STRADA: variants seen among roughly 807,000 people sequenced by gnomAD.
The protein encoded by STRADA is STE20-related kinase adapter protein alpha.
STRADA carries 26 observed loss-of-function variants against 55.0 expected under a neutral mutation model. The observed-to-expected ratio is 0.47, with a 90% CI of 0.35 to 0.66. STRADA has a LOEUF of 0.66. STRADA is among the 30% of genes least tolerant of loss of function. The pLI, the probability that STRADA is intolerant of heterozygous loss-of-function variation, is 0.01. For synonymous variants in STRADA, 197 were observed against 210.9 expected, an observed-to-expected ratio of 0.93 and a Z score of 0.57; for missense variants, 443 against 549.7, an observed-to-expected ratio of 0.81 and a Z score of 1.94.
At chr17:63,716,282 A>C (rs1187491128) in intron 4 of STRADA, among the ~76,000 whole-genome samples, 1 of 151,754 alleles carries the variant, frequency 6.6e-6, no homozygotes, top group Non-Finnish European at 1.5e-5. Context: ...TTTTTTGTAG[A>C]GATGGGGTTT....
chr17:63,707,181 A>G (rs1436169784), intron 9 of STRADA, 66 bp downstream of exon 9: 4 of 1,589,626 alleles, frequency 2.5e-6, no homozygotes, highest in Non-Finnish European at 3.4e-6. Flanking sequence ...ACTCCAGGCA[A>G]TGCCTGAAGG....
At chr17:63,736,841 C>G (rs866657663) in intron 1 of STRADA, among the ~76,000 whole-genome samples, 3 of 135,670 alleles carry the variant, frequency 2.2e-5, no homozygotes, top group South Asian at 2.7e-4. Context: ...CCCCCACGCC[C>G]CCCCCACCAA....
In STRADA at chr17:63,740,107, T is replaced by TACAC. The variant is rs1555712215; in HGVS notation, c.-45+1633_-45+1634insGTGT. 6.6e-4 allele frequency among the ~76,000 whole-genome samples: 33 copies of TACAC among 49,650 alleles called. 5 individuals are homozygous for TACAC. The highest frequency in any genetic ancestry group is 8.5e-4 in the Non-Finnish European group (23 of 27,028). 32.6% of individuals were successfully genotyped at this position (49,650 alleles called of 152,430 possible). On this transcript the variant is annotated intron_variant, in intron 1 of 12. Transcript: ENST00000336174. ...AACACTATATATATATATATATATA[T>TACAC]ACATACATACATATATATATACACA...
chr17:63,703,950 G>GT, intron 12 of STRADA, 55 bp downstream of exon 12: 1 of 1,608,908 alleles, frequency 6.2e-7, no homozygotes, highest in Non-Finnish European at 8.5e-7. Context: ...TAAAGGGATT[G>GT]TGAGTTGTTA....
intron 1 of STRADA, among the ~76,000 whole-genome samples, chr17:63,740,105 TATACATACATAC>T (rs1190877120): frequency 1.8e-5 from 1 of 56,666 alleles, no homozygotes; most frequent in Non-Finnish European, 3.2e-5. Context: ...TATATATATA[TATACATACATAC>T]ATATATATAT....
Position 63,706,753 on chromosome 17 carries a change from A to T in STRADA, c.754-14T>A, listed in dbSNP as rs747988267. On this transcript the variant is annotated splice_polypyrimidine_tract_variant and intron_variant, in intron 9 of 12. Transcript: ENST00000336174. ...ACCCTGGAGATTCTAAGCCAGAAAAAAAAGGCCACAGATTACCCCATTTGG... is the reference window on the plus strand; with the variant it reads ...ACCCTGGAGATTCTAAGCCAGAAAATAAAGGCCACAGATTACCCCATTTGG... 3.2e-5 allele frequency: 52 copies of T among 1,603,236 alleles called. No homozygotes were observed. The highest frequency in any genetic ancestry group is 4.4e-5 in the Non-Finnish European group (52 of 1,171,152).
At chr17:63,706,014 C>G (rs573195679) in intron 10 of STRADA, 2 of 152,364 alleles carry the variant, frequency 1.3e-5, no homozygotes, top group African/African-American at 4.8e-5. Flanking sequence ...AGTTCCAGAC[C>G]ACACTCCAAG....
chr17:63,713,905 T>C (rs1426800634), intron 5 of STRADA, 101 bp downstream of exon 5: 1 of 923,146 alleles, frequency 1.1e-6, no homozygotes, highest in Admixed American at 2.1e-5. Flanking sequence ...TCCTCCTAAC[T>C]AGTGGATGGC....
At chr17:63,730,242 C>T (rs996560750) in intron 1 of STRADA, among the ~76,000 whole-genome samples, 15 of 152,080 alleles carry the variant, frequency 9.9e-5, no homozygotes, top group African/African-American at 3.6e-4. Flanking sequence ...TTTACAAACA[C>T]GCCAACATCT....
chr17:63,719,562 C>T (rs1480751995), intron 4 of STRADA, among the ~76,000 whole-genome samples: 2 of 151,878 alleles, frequency 1.3e-5, no homozygotes, highest in African/African-American at 4.8e-5. Flanking sequence ...CGGCTCACTG[C>T]AACCTCCACC....
chr17:63,710,974 G>A (rs977306379), intron 6 of STRADA, 138 bp from the exon 7 acceptor site: 8 of 727,362 alleles, frequency 1.1e-5, no homozygotes, highest in Admixed American at 2.8e-5. Flanking sequence ...GCCTAAGCAG[G>A]TGCCTGCCAA....
intron 1 of STRADA, among the ~76,000 whole-genome samples, chr17:63,737,919 G>A (rs567747480): frequency 2.6e-5 from 4 of 152,236 alleles, no homozygotes; most frequent in African/African-American, 7.2e-5. Context: ...CTCCAGAGGT[G>A]GAGGCTGCAG....
At chr17:63,739,957 C>T (rs1231954480) in intron 1 of STRADA, among the ~76,000 whole-genome samples, 5 of 147,454 alleles carry the variant, frequency 3.4e-5, no homozygotes, top group Non-Finnish European at 7.4e-5. Flanking sequence ...GCACCAGGCA[C>T]CCCGCCAGGC....
chr17:63,741,974 G>A (rs1598298634), upstream of STRADA: 1 of 152,262 alleles, frequency 6.6e-6, no homozygotes, highest in Non-Finnish European at 1.5e-5. Context: ...CGCGCCGAGA[G>A]CGGTTCTCAG....
intron 1 of STRADA, among the ~76,000 whole-genome samples, chr17:63,731,486 G>A (rs1471160476): frequency 6.6e-6 from 1 of 151,338 alleles, no homozygotes; most frequent in Non-Finnish European, 1.5e-5. Context: ...AGATGATCTC[G>A]ATCTCCTGAC....
chr17:63,739,248 T>C (rs2038689804), intron 1 of STRADA, among the ~76,000 whole-genome samples: 2 of 152,048 alleles, frequency 1.3e-5, no homozygotes, highest in Non-Finnish European at 2.9e-5. Context: ...TTTTAATAAC[T>C]GCACACAGGT....
intron 10 of STRADA, 35 bp downstream of exon 10, chr17:63,706,592 AAGGCAAGC>A (rs770316062): frequency 1.4e-6 from 2 of 1,441,540 alleles, no homozygotes; most frequent in South Asian, 1.2e-5. Flanking sequence ...ACATCTGTGG[AAGGCAAGC>A]AGGCAAGAAG....
At chr17:63,721,386 TA>T (rs202045702) in intron 4 of STRADA, among the ~76,000 whole-genome samples, 9 of 70,286 alleles carry the variant, frequency 1.3e-4, no homozygotes, top group Admixed American at 1.0e-3. Flanking sequence ...AAAAATAAAA[TA>T]AAAAAAAATA....
At chr17:63,740,244 C>G (rs111729849) in intron 1 of STRADA, among the ~76,000 whole-genome samples, 41,068 of 149,180 alleles carry the variant, frequency 0.28, 6,072 homozygotes, top group Middle Eastern at 0.38. Flanking sequence ...GGCGCGGTGG[C>G]TCACGCCTGT....
Sources: allele counts gnomAD v4.1 joint callset (sites outside exome capture counted in the v4.1 genomes callset), GRCh38; gene constraint gnomAD v4.1.1; transcripts MANE v1.5; gene names NCBI Gene and HGNC (gene_info 2026-07-23, HGNC 2026-07-21).